Variants in SCIN observed in about 807,000 individuals in gnomAD.
SCIN encodes the protein scinderin, also known as adseverin.
Under a neutral mutation model 91.8 loss-of-function variants are expected in SCIN, and 91 were observed. The observed-to-expected ratio is 0.99, with a 90% CI of 0.84 to 1.18. The LOEUF is 1.18. SCIN is among the 50% of genes most tolerant of loss of function. SCIN has a pLI of 0.00. For missense variants in SCIN, 1,087 were observed against 863.9 expected (o/e 1.26, Z -3.24); for synonymous variants, 367 against 312.6 (o/e 1.17, Z -1.84).
At chr7:12,645,016 G>A (rs1238739718) in intron 13 of SCIN, among the ~76,000 whole-genome samples, 18 of 35,204 alleles carry the variant, frequency 5.1e-4, no homozygotes, top group African/African-American at 2.1e-3. Context: ...GCAAAACTCC[G>A]TTAAAAAAAA....
intron 9 of SCIN, among the ~76,000 whole-genome samples, chr7:12,632,598 G>T (rs911266979): frequency 2.0e-5 from 3 of 152,164 alleles, no homozygotes; most frequent in African/African-American, 7.2e-5. Flanking sequence ...AAACAAATTT[G>T]CAAGGTGTTA....
chr7:12,637,181 G>A (rs1350261917), intron 10 of SCIN, among the ~76,000 whole-genome samples: 1 of 152,124 alleles, frequency 6.6e-6, no homozygotes, highest in African/African-American at 2.4e-5. Flanking sequence ...CTAAATCATA[G>A]TAATTTGTTA....
At chr7:12,587,692 A>G (rs991191279) in intron 3 of SCIN, among the ~76,000 whole-genome samples, 6 of 152,136 alleles carry the variant, frequency 3.9e-5, no homozygotes, top group Admixed American at 3.3e-4. Flanking sequence ...ACCCTCAGTC[A>G]TTTCTGCTCT....
At chr7:12,647,613 C>T (rs1389780147) in intron 13 of SCIN, among the ~76,000 whole-genome samples, 1 of 152,186 alleles carries the variant, frequency 6.6e-6, no homozygotes, top group Admixed American at 6.5e-5. Context: ...GCATATAAAA[C>T]ATTAGAACAG....
rs184687772 is a variant in SCIN, at chr7:12,594,123, G to A, written c.517-10391G>A. Among the ~76,000 whole-genome samples the A allele has an allele frequency of 1.3e-4, 20 of 152,230 alleles. No individual in the cohort carries two copies. In the East Asian group the frequency reaches 1.6e-3, roughly 12 times the overall value. ...GCTGGTTGCTGAGCACATTGGGCCC[G>A]AGAGCGGGTGAGGGGAGGAGGCAGA... On this transcript the variant is annotated intron_variant, in intron 3 of 15. Coordinates refer to ENST00000297029, the MANE Select transcript of SCIN (RefSeq NM_001112706.3).
intron 2 of SCIN, 67 bp downstream of exon 2, chr7:12,578,285 T>G: frequency 7.2e-7 from 1 of 1,394,052 alleles, no homozygotes; most frequent in South Asian, 1.6e-5. Flanking sequence ...CCTCCTGTCT[T>G]CATAGAATGA....
chr7:12,649,806 G>T (rs1784042741), intron 14 of SCIN, among the ~76,000 whole-genome samples: 1 of 152,128 alleles, frequency 6.6e-6, no homozygotes, highest in Admixed American at 6.5e-5. Context: ...ATTTGTAAAA[G>T]TTACTCATTC....
chr7:12,581,179 CA>C lies in SCIN; in HGVS notation c.475del (p.Ser159ValfsTer30). ...RATEVPLSWD[S>X]FNKGDCFIID... ...CCACAGAAGTTCCCCTTAGCTGGGA[CA>C]GTTTCAACAAGGGTGACTGCTTCAT... On this transcript the variant is annotated frameshift_variant, in exon 3 of 16. Coordinates refer to ENST00000297029, the MANE Select transcript of SCIN (RefSeq NM_001112706.3). LOFTEE classifies it high-confidence loss of function. 1 of 1,551,198 alleles carries C rather than the reference CA, an allele frequency of 6.4e-7. No individual in the cohort carries two copies. Among genetic ancestry groups the C allele is most frequent in the Non-Finnish European group, 8.7e-7 (1 of 1,146,738 alleles).
chr7:12,653,899 A>T lies in SCIN; in HGVS notation c.*1184A>T, dbSNP rs531295795. ...TTTTTATCGCAGTTACCCTGATTCT[A>T]TTCCATTCCATTCTATTCTATTCTA... On this transcript the variant is annotated 3_prime_UTR_variant, in exon 16 of 16. Coordinates refer to ENST00000297029, the MANE Select transcript of SCIN (RefSeq NM_001112706.3). This position sits in a 1 kb window ranked among gnomAD's most constrained non-coding sequence, Gnocchi z 4.1. 6.6e-6 allele frequency: 1 copy of T among 152,346 alleles called. No individual in the cohort carries two copies. The highest frequency in any genetic ancestry group is 2.4e-5 in the African/African-American group (1 of 41,590). 9.4% of individuals were successfully genotyped at this position (152,346 alleles called of 1,614,324 possible).
intron 3 of SCIN, among the ~76,000 whole-genome samples, chr7:12,596,640 C>G (rs1028912859): frequency 1.3e-5 from 2 of 151,758 alleles, no homozygotes; most frequent in African/African-American, 4.8e-5. Flanking sequence ...GAGTCACCAA[C>G]TTAGGTGGCT....
Position 12,649,548 on chromosome 7 carries a change from A to G in SCIN, c.1959+4A>G, listed in dbSNP as rs1190977142. The G allele has an allele frequency of 6.3e-7, 1 of 1,585,552 alleles. No homozygotes were observed. Among genetic ancestry groups the G allele is most frequent in the Non-Finnish European group, 8.6e-7 (1 of 1,162,888 alleles). On this transcript the variant is annotated splice_donor_region_variant and intron_variant, in intron 14 of 15. Coordinates refer to ENST00000297029, the MANE Select transcript of SCIN (RefSeq NM_001112706.3). ...GTTACTAGATGCTTGGGAACAGGTAAAACTACATTTTGTTCATAAGAAGAG... is the reference window on the plus strand; with the variant it reads ...GTTACTAGATGCTTGGGAACAGGTAGAACTACATTTTGTTCATAAGAAGAG...
chr7:12,613,863 A>T (rs1274302237), intron 4 of SCIN, among the ~76,000 whole-genome samples: 1 of 152,190 alleles, frequency 6.6e-6, no homozygotes, highest in Admixed American at 6.6e-5. Flanking sequence ...TCAGTGTTAG[A>T]TATCCCATAA....
intron 3 of SCIN, among the ~76,000 whole-genome samples, chr7:12,593,766 A>G (rs1782777690): frequency 6.6e-6 from 1 of 152,100 alleles, no homozygotes; most frequent in African/African-American, 2.4e-5. Flanking sequence ...GTGGGTTGGT[A>G]TTCCCAGGAA....
intron 3 of SCIN, among the ~76,000 whole-genome samples, chr7:12,597,672 C>A (rs1220510828): frequency 3.9e-5 from 6 of 152,324 alleles, no homozygotes; most frequent in South Asian, 4.1e-4. Context: ...TAGGACTCCC[C>A]TCCCCAAATG....
rs1784132658 is a variant in SCIN, at chr7:12,654,233, A to G, written c.*1518A>G. On this transcript the variant is annotated 3_prime_UTR_variant, in exon 16 of 16. Coordinates refer to ENST00000297029, the MANE Select transcript of SCIN (RefSeq NM_001112706.3). The stretch of plus-strand genomic sequence containing the variant: ...ACTTACCACACAAATGGACTATGGT[A>G]GAAGCTGCTGTCCCTTAGTATTGAA... 3 of 152,194 alleles carry G rather than the reference A, an allele frequency of 2.0e-5. No individual in the cohort carries two copies. Among genetic ancestry groups the G allele is most frequent in the Admixed American group, 2.0e-4 (3 of 15,282 alleles). 9.4% of individuals were successfully genotyped at this position (152,194 alleles called of 1,614,324 possible). A position where few individuals can be genotyped will look rare whatever the true frequency, so the allele number is the denominator to read the frequency against.
At chr7:12,630,489 G>A (rs2115279920) in intron 9 of SCIN, among the ~76,000 whole-genome samples, 1 of 152,312 alleles carries the variant, frequency 6.6e-6, no homozygotes, top group East Asian at 1.9e-4. Flanking sequence ...CAAAATCTCA[G>A]CTGGGGGGAA....
intron 5 of SCIN, among the ~76,000 whole-genome samples, chr7:12,624,198 A>G (rs1270698581): frequency 2.6e-5 from 4 of 152,170 alleles, no homozygotes; most frequent in African/African-American, 4.8e-5. Context: ...TTTCAAAACT[A>G]CAGAATTCAG....
intron 3 of SCIN, among the ~76,000 whole-genome samples, chr7:12,590,548 T>C (rs1481733157): frequency 6.6e-6 from 1 of 151,840 alleles, no homozygotes; most frequent in Non-Finnish European, 1.5e-5. Flanking sequence ...TTTTGATTTT[T>C]GACTATCCAG....
At chr7:12,590,139 C>A (rs987381170) in intron 3 of SCIN, among the ~76,000 whole-genome samples, 1 of 152,100 alleles carries the variant, frequency 6.6e-6, no homozygotes, top group African/African-American at 2.4e-5. Context: ...CCAGGGAGAC[C>A]AAATGTAGGG....
Sources: allele counts gnomAD v4.1 joint callset (sites outside exome capture counted in the v4.1 genomes callset), GRCh38; gene constraint gnomAD v4.1.1; non-coding constraint Gnocchi (gnomAD v3.1); transcripts MANE v1.5; gene names NCBI Gene and HGNC (gene_info 2026-07-23, HGNC 2026-07-21).